THUMPD2: variants seen among roughly 807,000 people sequenced by gnomAD.
THUMPD2 encodes the protein U6 snRNA (guanine-N(2))-methyltransferase THUMPD2.
A neutral mutation model predicts 49.4 loss-of-function variants in THUMPD2; 56 were observed. That is an observed-to-expected ratio of 1.13 (90% CI 0.91 to 1.41). The LOEUF is 1.41. Among genes scored for constraint, THUMPD2 ranks in the 40% most tolerant of loss-of-function variants. The pLI is 0.00. For missense variants in THUMPD2, 709 were observed against 594.5 expected, an observed-to-expected ratio of 1.19 and a Z score of -2.00; for synonymous variants, 237 against 205.2, an observed-to-expected ratio of 1.15 and a Z score of -1.32.
chr2:39,749,320 T>C (rs1236713838), intron 8 of THUMPD2, among the ~76,000 whole-genome samples: 1 of 152,222 alleles, frequency 6.6e-6, no homozygotes, highest in Non-Finnish European at 1.5e-5. Flanking sequence ...TGATTATCTT[T>C]CTAAATTATG....
In THUMPD2 at chr2:39,769,956, G is replaced by A. The variant is rs767564890; in HGVS notation, c.426C>T (p.Ile142=). 4 of 1,576,606 alleles carry A rather than the reference G, an allele frequency of 2.5e-6. No individual in the cohort carries two copies. In the East Asian group the frequency reaches 9.2e-5, roughly 36 times the overall value. Residue 142 remains isoleucine (I), a synonymous_variant, in exon 3 of 10, where the codon ATC becomes ATT. Coordinates refer to ENST00000505747, the MANE Select transcript of THUMPD2 (RefSeq NM_025264.5). The stretch of plus-strand genomic sequence containing the variant: ...GTTCTATTTTTAATTTCTTTGCAAT[G>A]ATTTCATTTTCTCCCACTTTTCTTT... ...QLKRKVGENE[I]IAKKLKIEQM...
At chr2:39,754,314 G>A (rs1008522387) in intron 8 of THUMPD2, among the ~76,000 whole-genome samples, 12 of 152,122 alleles carry the variant, frequency 7.9e-5, no homozygotes, top group Admixed American at 6.6e-4. Flanking sequence ...TGGCAGAAAG[G>A]CTTAAAAATA....
At position 39,755,893 on chromosome 2, in the gene THUMPD2, C is replaced by T. The variant is rs759033625; in HGVS notation, c.959G>A (p.Trp320Ter). Reference sequence around the variant, plus strand: ...TTACCAAACTTTAGAACTTACTGGCCATTCTTTAGCAGCTTCCAAAAGTAT... The same window carrying T: ...TTACCAAACTTTAGAACTTACTGGCTATTCTTTAGCAGCTTCCAAAAGTAT... ...GTILLEAAKE[W>*]PDVYYVGADV... The change falls in exon 7 of 10, where the codon TGG (tryptophan) becomes TAG (stop). Residue 320 changes from tryptophan (W) to a stop codon, truncating the protein, a stop_gained. Coordinates refer to ENST00000505747, the MANE Select transcript of THUMPD2 (RefSeq NM_025264.5). LOFTEE classifies it high-confidence loss of function. The T allele has an allele frequency of 6.2e-7, 1 of 1,613,604 alleles. No individual in the cohort carries two copies. Among genetic ancestry groups the T allele is most frequent in the Non-Finnish European group, 8.5e-7 (1 of 1,179,740 alleles).
intron 6 of THUMPD2, chr2:39,757,442 A>G (rs966785362): frequency 4.1e-5 from 53 of 1,295,424 alleles, no homozygotes; most frequent in Non-Finnish European, 4.7e-5. Flanking sequence ...AGAGAATATC[A>G]CACAAATCCC....
chr2:39,739,915 T>C (rs1320263200), intron 9 of THUMPD2, among the ~76,000 whole-genome samples: 1 of 152,138 alleles, frequency 6.6e-6, no homozygotes, highest in Non-Finnish European at 1.5e-5. Flanking sequence ...AAATATGAAA[T>C]GTACATAACC....
At chr2:39,755,739 G>C (rs1433993712) in intron 7 of THUMPD2, 150 bp downstream of exon 7, 11 of 621,500 alleles carry the variant, frequency 1.8e-5, no homozygotes, top group Admixed American at 6.6e-5. Flanking sequence ...AATTTCATTA[G>C]TCCCTCATCA....
rs1291041443 is a variant in THUMPD2 at position 39,762,556 on chromosome 2, AAAC to A, written c.804-1141_804-1139del. 3.9e-5 allele frequency among the ~76,000 whole-genome samples: 6 copies of A among 152,114 alleles called. No homozygotes were observed. The East Asian group carries it at 5.8e-4, about 15-fold the overall frequency. ...GGCTTTTTAATAAAGTTTTTTCAAGAAACAACAATTCACATTGTAAACAGTACT... is the reference window on the plus strand; with the variant it reads ...GGCTTTTTAATAAAGTTTTTTCAAGAAACAATTCACATTGTAAACAGTACT... On this transcript the variant is annotated intron_variant, in intron 5 of 9. Transcript: ENST00000505747.
rs779940438 is a variant in THUMPD2 at position 39,769,786 on chromosome 2, G to A, written c.596C>T (p.Thr199Ile). Residue 199 changes from threonine (T) to isoleucine (I), a missense_variant, in exon 3 of 10, where the codon ACT (threonine) becomes ATT (isoleucine). By Grantham distance (89) the Thr-to-Ile change is moderately conservative. Coordinates refer to ENST00000505747, the MANE Select transcript of THUMPD2 (RefSeq NM_025264.5). ...FQNDIEKAIDTHNQNDLTFRV... is the reference protein window; with the variant it reads ...FQNDIEKAIDIHNQNDLTFRV... ...GAAAGTCAAGTCATTCTGATTATGA[G>A]TATCAATTGCTTTCTCTATGTCATT... is the stretch of plus-strand genomic sequence containing the variant. 3.1e-6 allele frequency: 5 copies of A among 1,604,294 alleles called. No individual in the cohort carries two copies. Among genetic ancestry groups the A allele is most frequent in the Admixed American group, 3.5e-5 (2 of 57,400 alleles).
intron 4 of THUMPD2, 56 bp from the exon 5 acceptor site, chr2:39,766,165 C>G (rs1572853569): frequency 7.7e-7 from 1 of 1,298,798 alleles, no homozygotes; most frequent in Non-Finnish European, 1.1e-6. Context: ...TACCAAATTA[C>G]TGACAATTTG....
chr2:39,736,941 G>T lies in THUMPD2; in HGVS notation c.1306C>A (p.Pro436Thr), dbSNP rs150365084. 1.2e-5 allele frequency: 19 copies of T among 1,613,944 alleles called. No individual in the cohort carries two copies. Among genetic ancestry groups the T allele is most frequent in the Middle Eastern group, 3.3e-4 (2 of 6,062 alleles). Reference sequence around the variant, plus strand: ...GGATTCAAGCACTTTTTAATTCCAGGTTCATCTGTGTGACTGTCCTTGGAA... The same window carrying T: ...GGATTCAAGCACTTTTTAATTCCAGTTTCATCTGTGTGACTGTCCTTGGAA... Reference protein sequence around the residue: ...FNSKDSHTDEPGIKKCLNPEE... With the variant: ...FNSKDSHTDETGIKKCLNPEE... The change falls in exon 10 of 10, where the codon CCT becomes ACT. Residue 436 changes from proline to threonine, a missense_variant. Pro to Thr is a conservative substitution (Grantham distance 38). Transcript: ENST00000505747.
At chr2:39,761,922 T>C (rs940444573) in intron 5 of THUMPD2, among the ~76,000 whole-genome samples, 5 of 152,180 alleles carry the variant, frequency 3.3e-5, no homozygotes, top group African/African-American at 4.8e-5. Context: ...AAGCATGACA[T>C]TGCATTGTCT....
chr2:39,768,920 T>C (rs912780919), intron 3 of THUMPD2: 2 of 1,302,460 alleles, frequency 1.5e-6, no homozygotes, highest in Non-Finnish European at 2.0e-6. Context: ...TTTGACTGAT[T>C]TTAAGGTTGA....
intron 4 of THUMPD2, among the ~76,000 whole-genome samples, chr2:39,768,016 C>T (rs1331205688): frequency 6.6e-6 from 1 of 152,058 alleles, no homozygotes; most frequent in African/African-American, 2.4e-5. Flanking sequence ...AATCCCATAC[C>T]CATAACAAAG....
At chr2:39,747,553 T>G (rs769891439) in intron 8 of THUMPD2, among the ~76,000 whole-genome samples, 1 of 152,176 alleles carries the variant, frequency 6.6e-6, no homozygotes, top group Non-Finnish European at 1.5e-5. Context: ...TATATGAAAA[T>G]TATATGCTTT....
chr2:39,758,554 G>A (rs1254274780), intron 6 of THUMPD2, among the ~76,000 whole-genome samples: 1 of 152,164 alleles, frequency 6.6e-6, no homozygotes, highest in Non-Finnish European at 1.5e-5. Flanking sequence ...GGAAGAGCTT[G>A]GTCTTCAGAG....
chr2:39,736,686 G>A lies in THUMPD2; in HGVS notation c.*49C>T. 6.6e-7 allele frequency: 1 copy of A among 1,526,506 alleles called. No homozygotes were observed. The highest frequency in any genetic ancestry group is 8.8e-7 in the Non-Finnish European group (1 of 1,130,360). The allele number at this position is 1,526,506 out of a possible 1,614,324, so 94.6% of individuals were successfully genotyped here. A position where few individuals can be genotyped will look rare whatever the true frequency, so the allele number is the denominator to read the frequency against. On this transcript the variant is annotated 3_prime_UTR_variant, in exon 10 of 10. Transcript: ENST00000505747. ...ATCCTAGAGACAGCAAACTTCTGCTGTACAGCTAACTTACAAGGGCCTGAA... is the reference window on the plus strand; with the variant it reads ...ATCCTAGAGACAGCAAACTTCTGCTATACAGCTAACTTACAAGGGCCTGAA...
At position 39,736,945 on chromosome 2, in the gene THUMPD2, A is replaced by ATCTGTG; in HGVS notation, c.1296_1301dup (p.Thr433_Asp434dup). The ATCTGTG allele has an allele frequency of 6.2e-7, 1 of 1,614,104 alleles. No individual in the cohort carries two copies. Among genetic ancestry groups the ATCTGTG allele is most frequent in the Non-Finnish European group, 8.5e-7 (1 of 1,180,012 alleles). The stretch of plus-strand genomic sequence containing the variant: ...TCAAGCACTTTTTAATTCCAGGTTC[A>ATCTGTG]TCTGTGTGACTGTCCTTGGAATTGA... On this transcript the variant is annotated inframe_insertion, in exon 10 of 10. Coordinates refer to ENST00000505747, the MANE Select transcript of THUMPD2 (RefSeq NM_025264.5).
intron 4 of THUMPD2, among the ~76,000 whole-genome samples, chr2:39,767,603 CAAAA>C (rs57906396): frequency 2.9e-5 from 2 of 67,844 alleles, no homozygotes; most frequent in South Asian, 1.2e-3. Context: ...GACTCCGTCT[CAAAA>C]AAAAAAAAAA....
intron 1 of THUMPD2, among the ~76,000 whole-genome samples, chr2:39,777,731 C>G (rs1679306870): frequency 6.6e-6 from 1 of 152,058 alleles, no homozygotes; most frequent in East Asian, 1.9e-4. Flanking sequence ...TGGAAATTCC[C>G]AAATCTACTG....
Sources: gnomAD v4.1 joint callset for allele counts (sites outside exome capture counted in the v4.1 genomes callset) on GRCh38, gnomAD v4.1.1 for gene constraint, MANE v1.5 for transcripts, NCBI Gene and HGNC (gene_info 2026-07-23, HGNC 2026-07-21) for gene names.